The following TTC7A variants were observed in gnomAD, a reference collection of about 807,000 sequenced individuals.
TTC7A encodes tetratricopeptide repeat domain 7A.
A neutral mutation model predicts 103.7 loss-of-function variants in TTC7A; 110 were observed. The ratio of observed to expected loss-of-function variants is 1.06; its 90% CI spans 0.91 to 1.24. The LOEUF is 1.24. Ranked by LOEUF, TTC7A falls within the 50% of genes most tolerant of loss-of-function variation. TTC7A has a pLI of 0.00. For synonymous variants in TTC7A, 521 were observed against 467.9 expected (o/e 1.11, Z -1.47); for missense variants, 1,340 against 1,116.3 (o/e 1.20, Z -2.86).
chr2:46,929,391 G>A (rs368291976), intron 2 of TTC7A, among the ~76,000 whole-genome samples: 1 of 152,126 alleles, frequency 6.6e-6, no homozygotes. Flanking sequence ...GGAGGCTGAG[G>A]CAGGATTGCT....
chr2:46,916,828 T>C (rs947538012), intron 1 of TTC7A, among the ~76,000 whole-genome samples: 10 of 151,852 alleles, frequency 6.6e-5, no homozygotes, highest in African/African-American at 2.2e-4. Context: ...AGAGACGGGG[T>C]TTCACCGTGT....
At chr2:47,032,596 G>A (rs1222554260) in intron 15 of TTC7A, among the ~76,000 whole-genome samples, 1 of 152,054 alleles carries the variant, frequency 6.6e-6, no homozygotes, top group Non-Finnish European at 1.5e-5. Flanking sequence ...CGTAGAGTGT[G>A]CTGCGAAGCA....
intron 11 of TTC7A, among the ~76,000 whole-genome samples, chr2:47,019,526 C>G (rs1165626994): frequency 1.3e-5 from 2 of 152,062 alleles, no homozygotes; most frequent in African/African-American, 4.8e-5. Flanking sequence ...AAGTACTGGA[C>G]AAGGAGTGCT....
intron 15 of TTC7A, among the ~76,000 whole-genome samples, chr2:47,040,918 C>T (rs930292240): frequency 3.9e-5 from 6 of 152,280 alleles, no homozygotes; most frequent in Non-Finnish European, 7.4e-5. Context: ...GTGTGAGGCT[C>T]GAGGACAGTA....
intron 5 of TTC7A, among the ~76,000 whole-genome samples, chr2:46,984,249 C>G (rs1161935815): frequency 6.6e-6 from 1 of 152,228 alleles, no homozygotes; most frequent in African/African-American, 2.4e-5. Context: ...AATCCTGTTA[C>G]TGAGCTGAGC....
chr2:46,969,505 C>G (rs1041443650), intron 3 of TTC7A, among the ~76,000 whole-genome samples: 1 of 152,116 alleles, frequency 6.6e-6, no homozygotes, highest in Non-Finnish European at 1.5e-5. Flanking sequence ...ACCTCCGACT[C>G]CCTGGTTCAA....
At chr2:47,023,044 A>C (rs1018161281) in intron 12 of TTC7A, among the ~76,000 whole-genome samples, 2 of 152,212 alleles carry the variant, frequency 1.3e-5, no homozygotes, top group African/African-American at 4.8e-5. Flanking sequence ...GTTTGGGTTC[A>C]AACTTCCTAG....
At chr2:46,950,209 T>C (rs917611597) in intron 1 of TTC7A, among the ~76,000 whole-genome samples, 154 bp from the exon 2 acceptor site, 7 of 152,224 alleles carry the variant, frequency 4.6e-5, no homozygotes, top group Non-Finnish European at 7.3e-5. Context: ...CTTTAAAGGC[T>C]GTTGAAATTT....
At chr2:47,030,039 T>TTC in intron 15 of TTC7A, among the ~76,000 whole-genome samples, 2 of 48,458 alleles carry the variant, frequency 4.1e-5, no homozygotes, top group East Asian at 3.4e-3. Context: ...AGGGGGAGTC[T>TTC]TGATTTCTGC....
chr2:46,950,320 C>G, intron 1 of TTC7A, 43 bp from the exon 2 acceptor site: 3 of 1,609,592 alleles, frequency 1.9e-6, no homozygotes, highest in Non-Finnish European at 2.5e-6. Flanking sequence ...CATTATCCGC[C>G]TTGTTCGGGG....
At chr2:47,073,411 A>G (rs935121237) in intron 19 of TTC7A, among the ~76,000 whole-genome samples, 1 of 152,152 alleles carries the variant, frequency 6.6e-6, no homozygotes. Context: ...TCCCCCAAAC[A>G]GTGTGACACA....
At chr2:47,047,199 A>G (rs999456736) in intron 16 of TTC7A, 1 of 859,134 alleles carries the variant, frequency 1.2e-6, no homozygotes, top group African/African-American at 1.7e-5. Flanking sequence ...TCTTTGGGAT[A>G]GCTGGCTGTG....
intron 6 of TTC7A, 80 bp from the exon 7 acceptor site, chr2:46,994,277 G>A: frequency 6.7e-7 from 1 of 1,502,546 alleles, no homozygotes; most frequent in Admixed American, 2.0e-5. Flanking sequence ...ATTTAGCTGG[G>A]ATGGGCAGAG....
chr2:47,002,813 C>T (rs1267436965), intron 8 of TTC7A, among the ~76,000 whole-genome samples: 1 of 152,138 alleles, frequency 6.6e-6, no homozygotes, highest in Non-Finnish European at 1.5e-5. Flanking sequence ...GAATATTTCA[C>T]TTCGGCCCTG....
chr2:46,965,860 G>A (rs1430315676), intron 3 of TTC7A, among the ~76,000 whole-genome samples: 3 of 152,060 alleles, frequency 2.0e-5, no homozygotes, highest in Admixed American at 6.5e-5. Context: ...ACCATGCCCC[G>A]CTTAGATTTT....
chr2:46,960,762 C>A (rs1288954086), intron 3 of TTC7A, among the ~76,000 whole-genome samples: 1 of 152,184 alleles, frequency 6.6e-6, no homozygotes, highest in Non-Finnish European at 1.5e-5. Context: ...GCATTGGTGG[C>A]CAGATGGATG....
At chr2:46,958,644 C>G in intron 3 of TTC7A, 1 of 877,290 alleles carries the variant, frequency 1.1e-6, no homozygotes, top group South Asian at 1.6e-5. Flanking sequence ...TCCCCTTTGC[C>G]TGCCTCCTCT....
chr2:46,984,586 C>A (rs987285245), intron 5 of TTC7A, among the ~76,000 whole-genome samples: 1 of 152,216 alleles, frequency 6.6e-6, no homozygotes, highest in East Asian at 1.9e-4. Flanking sequence ...CTCCCCTTCC[C>A]CACAACTGAA....
chr2:47,050,132 GGCCCTCTCCCAGCCGGGCCAA>G, intron 17 of TTC7A, 86 bp downstream of exon 17: 2 of 1,191,536 alleles, frequency 1.7e-6, no homozygotes, highest in Non-Finnish European at 2.5e-6. Context: ...AGAGGGGCCG[GGCCCTCTCCCAGCCGGGCCAA>G]GCCCACCACT....
Sources: gnomAD v4.1 joint callset for allele counts (sites outside exome capture counted in the v4.1 genomes callset) on GRCh38, gnomAD v4.1.1 for gene constraint, MANE v1.5 for transcripts, NCBI Gene and HGNC (gene_info 2026-07-23, HGNC 2026-07-21) for gene names.